Variants in SLC25A17 observed in about 807,000 individuals in gnomAD.
The protein encoded by SLC25A17 is peroxisomal membrane protein PMP34.
A neutral mutation model predicts 38.5 loss-of-function variants in SLC25A17; 26 were observed. That is an observed-to-expected ratio of 0.68 (90% CI 0.50 to 0.94). The LOEUF (loss-of-function observed/expected upper bound fraction) is 0.94. Ranked by LOEUF, SLC25A17 falls within the 40% of genes least tolerant of loss-of-function variation. SLC25A17 has a pLI of 0.00. For synonymous variants in SLC25A17, 139 were observed against 136.2 expected, an observed-to-expected ratio of 1.02 and a Z score of -0.14; for missense variants, 333 against 372.7, an observed-to-expected ratio of 0.89 and a Z score of 0.88.
intron 1 of SLC25A17, among the ~76,000 whole-genome samples, chr22:40,811,598 C>T (rs763789000): frequency 7.2e-5 from 11 of 151,932 alleles, no homozygotes; most frequent in Non-Finnish European, 1.3e-4. Context: ...GTGCTGGCAT[C>T]TGCTTCTGGT....
At chr22:40,804,987 GGAAAGAAA>G (rs58201023) in intron 1 of SLC25A17, among the ~76,000 whole-genome samples, 3 of 151,476 alleles carry the variant, frequency 2.0e-5, no homozygotes, top group Non-Finnish European at 2.9e-5. Context: ...AGAGAAGGAA[GGAAAGAAA>G]GAAAGAAAGA....
chr22:40,791,255 A>C (rs2057383347), intron 4 of SLC25A17, among the ~76,000 whole-genome samples: 1 of 152,118 alleles, frequency 6.6e-6, no homozygotes, highest in Non-Finnish European at 1.5e-5. Context: ...TGACTCCTAG[A>C]CTTCTATCCT....
chr22:40,802,247 C>T (rs1203886664), intron 1 of SLC25A17, among the ~76,000 whole-genome samples: 1 of 152,162 alleles, frequency 6.6e-6, no homozygotes, highest in Admixed American at 6.5e-5. Flanking sequence ...CATAGAAGTC[C>T]TTGCCTACCT....
chr22:40,770,641 A>G lies in SLC25A17; in HGVS notation c.*193T>C. ...AGTCCAACTGCCACCCCAAAATCCA[A>G]CCAGCCAGCATGACAATTAAGGTGA... is the stretch of plus-strand genomic sequence containing the variant. On this transcript the variant is annotated 3_prime_UTR_variant, in exon 9 of 9. Coordinates refer to ENST00000435456, the MANE Select transcript of SLC25A17 (RefSeq NM_006358.4). 2.3e-6 allele frequency: 1 copy of G among 433,772 alleles called. No individual in the cohort carries two copies. Among genetic ancestry groups the G allele is most frequent in the South Asian group, 9.7e-5 (1 of 10,262 alleles). The allele number at this position is 433,772 out of a possible 1,614,324, so 26.9% of individuals were successfully genotyped here.
intron 2 of SLC25A17, among the ~76,000 whole-genome samples, 165 bp downstream of exon 2, chr22:40,798,858 G>A (rs992773364): frequency 6.6e-6 from 1 of 150,816 alleles, no homozygotes; most frequent in Non-Finnish European, 1.5e-5. Flanking sequence ...CAGGAGAATC[G>A]CTTGAACCCA....
chr22:40,775,110 C>T (rs1485369650), intron 7 of SLC25A17, among the ~76,000 whole-genome samples: 2 of 152,156 alleles, frequency 1.3e-5, no homozygotes, highest in African/African-American at 4.8e-5. Flanking sequence ...AGCACATATT[C>T]CCCAGCTTAA....
At chr22:40,777,507 G>A in intron 5 of SLC25A17, 134 bp from the exon 6 acceptor site, 1 of 1,061,230 alleles carries the variant, frequency 9.4e-7, no homozygotes. Flanking sequence ...CTTGCAGCCG[G>A]TTGCAATGGC....
intron 1 of SLC25A17, among the ~76,000 whole-genome samples, chr22:40,800,766 G>C (rs1390357528): frequency 1.7e-4 from 25 of 150,956 alleles, no homozygotes. Context: ...CTCCAGCCTG[G>C]GTGACAAAGC....
rs112906434 is a variant in SLC25A17, at chr22:40,813,656, G to T, written c.54+5539C>A. On this transcript the variant is annotated intron_variant, in intron 1 of 8. Coordinates refer to ENST00000435456, the MANE Select transcript of SLC25A17 (RefSeq NM_006358.4). ...GGAGAATGGCGTGAACCCAGGAGGC[G>T]GAGCTTGCAGTGAGCCGAGATCACG... Among the ~76,000 whole-genome samples, 130 of 149,124 alleles carry T rather than the reference G, an allele frequency of 8.7e-4. 1 individual carries two copies. The highest frequency in any genetic ancestry group is 2.6e-3 in the Admixed American group (39 of 14,976).
chr22:40,795,210 TG>T (rs2057417986), intron 2 of SLC25A17, among the ~76,000 whole-genome samples: 1 of 152,212 alleles, frequency 6.6e-6, no homozygotes, highest in Admixed American at 6.5e-5. Flanking sequence ...GCAGATCCCT[TG>T]CCCTTCATCT....
At chr22:40,812,944 A>T (rs905580932) in intron 1 of SLC25A17, among the ~76,000 whole-genome samples, 2 of 152,196 alleles carry the variant, frequency 1.3e-5, no homozygotes, top group Non-Finnish European at 2.9e-5. Context: ...AAAATTCTAA[A>T]GATTAAAAGC....
intron 2 of SLC25A17, chr22:40,797,307 C>T (rs1434359108): frequency 4.6e-6 from 6 of 1,301,122 alleles, no homozygotes; most frequent in Middle Eastern, 2.1e-4. Context: ...CAAGTTCTGG[C>T]ATAGGTTTAC....
chr22:40,776,620 G>C (rs1308857099), intron 7 of SLC25A17, among the ~76,000 whole-genome samples: 1 of 152,234 alleles, frequency 6.6e-6, no homozygotes, highest in Non-Finnish European at 1.5e-5. Flanking sequence ...ATGGGGGCCA[G>C]GCACAATGGT....
intron 4 of SLC25A17, among the ~76,000 whole-genome samples, chr22:40,790,680 C>T (rs2057378092): frequency 6.6e-6 from 1 of 152,054 alleles, no homozygotes; most frequent in South Asian, 2.1e-4. Flanking sequence ...AATGGGATGG[C>T]AGACACAGCA....
chr22:40,776,988 A>G, intron 7 of SLC25A17, 52 bp downstream of exon 7: 1 of 1,394,842 alleles, frequency 7.2e-7, no homozygotes, highest in South Asian at 1.2e-5. Flanking sequence ...TCAAGAGACT[A>G]CATGTATTCG....
At chr22:40,798,660 TAAA>T (rs10640211) in intron 2 of SLC25A17, among the ~76,000 whole-genome samples, 236 of 74,378 alleles carry the variant, frequency 3.2e-3, no homozygotes, top group African/African-American at 0.011. Context: ...CACACATACA[TAAA>T]AAAAAAAAAA....
At chr22:40,805,453 A>G (rs1239189396) in intron 1 of SLC25A17, among the ~76,000 whole-genome samples, 1 of 152,238 alleles carries the variant, frequency 6.6e-6, no homozygotes, top group African/African-American at 2.4e-5. Flanking sequence ...TGGGATAAAA[A>G]GCCACTAGCC....
At chr22:40,814,647 C>T (rs1319079388) in intron 1 of SLC25A17, among the ~76,000 whole-genome samples, 1 of 151,740 alleles carries the variant, frequency 6.6e-6, no homozygotes, top group East Asian at 1.9e-4. Context: ...TTATCCATGA[C>T]CTTAAACCAT....
chr22:40,779,620 T>C (rs2145653253), intron 4 of SLC25A17: 1 of 180,388 alleles, frequency 5.5e-6, no homozygotes, highest in African/African-American at 2.3e-5. Flanking sequence ...GGTGGTGACA[T>C]TTAAAAGTGC....
Sources: allele counts gnomAD v4.1 joint callset (sites outside exome capture counted in the v4.1 genomes callset), GRCh38; gene constraint gnomAD v4.1.1; transcripts MANE v1.5; gene names NCBI Gene and HGNC (gene_info 2026-07-23, HGNC 2026-07-21).